Variants in RNF169 observed in about 807,000 individuals in gnomAD.
The protein encoded by RNF169 is ring finger protein 169.
RNF169 carries 24 observed loss-of-function variants against 53.9 expected under a neutral mutation model. That is an observed-to-expected ratio of 0.45 (90% CI 0.32 to 0.63). The LOEUF is 0.63. RNF169 is among the 20% of genes least tolerant of loss of function. RNF169 has a pLI of 0.04. For missense variants in RNF169, 883 were observed against 906.2 expected, an observed-to-expected ratio of 0.97 and a Z score of 0.33; for synonymous variants, 396 against 363.5, an observed-to-expected ratio of 1.09 and a Z score of -1.02.
At chr11:74,777,020 A>G (rs557228875) in intron 1 of RNF169, among the ~76,000 whole-genome samples, 1 of 152,318 alleles carries the variant, frequency 6.6e-6, no homozygotes, top group South Asian at 2.1e-4. Context: ...TCATAAAGAA[A>G]GGGAAGCAAT....
intron 1 of RNF169, among the ~76,000 whole-genome samples, chr11:74,782,737 T>G (rs1441109224): frequency 6.6e-6 from 1 of 152,148 alleles, no homozygotes; most frequent in African/African-American, 2.4e-5. Context: ...TTTTATAACA[T>G]ATTAGTATAA....
intron 1 of RNF169, among the ~76,000 whole-genome samples, chr11:74,759,710 G>A (rs1171200188): frequency 0.015 from 2,102 of 144,960 alleles, 18 homozygotes; most frequent in Non-Finnish European, 0.022. Context: ...GATTTGGTTT[G>A]CCAGTATTTT....
chr11:74,800,824 C>T (rs912477857), intron 2 of RNF169, among the ~76,000 whole-genome samples: 1 of 152,116 alleles, frequency 6.6e-6, no homozygotes, highest in African/African-American at 2.4e-5. Flanking sequence ...AGAGCTCTTT[C>T]TGCTTCCCAT....
chr11:74,751,624 A>G (rs1348571539), intron 1 of RNF169, among the ~76,000 whole-genome samples: 1 of 152,232 alleles, frequency 6.6e-6, no homozygotes, highest in African/African-American at 2.4e-5. Context: ...ATTATCTAAA[A>G]TGAGATTTCA....
At chr11:74,791,832 A>G (rs1160406299) in intron 2 of RNF169, among the ~76,000 whole-genome samples, 1 of 152,146 alleles carries the variant, frequency 6.6e-6, no homozygotes, top group Non-Finnish European at 1.5e-5. Context: ...CACCTCTTCA[A>G]CTTGTAAGAG....
At chr11:74,817,392 T>C (rs2035952789) in intron 3 of RNF169, among the ~76,000 whole-genome samples, 1 of 152,176 alleles carries the variant, frequency 6.6e-6, no homozygotes, top group African/African-American at 2.4e-5. Flanking sequence ...GTGATGGGGC[T>C]TACAGAAGAG....
At chr11:74,810,910 A>G (rs1235152964) in intron 3 of RNF169, among the ~76,000 whole-genome samples, 1 of 152,198 alleles carries the variant, frequency 6.6e-6, no homozygotes, top group Non-Finnish European at 1.5e-5. Context: ...AGGATCCACT[A>G]ATTATACCCA....
In RNF169 at chr11:74,840,657, CTT is replaced by C. The variant is rs2036382469; in HGVS notation, c.*3930_*3931del. ...GATTCCTTTCCTTTTTCCTGCCTAA[CTT>C]TTCATTGAAATGTCTAGTAGGAGAG... On this transcript the variant is annotated 3_prime_UTR_variant, in exon 6 of 6. Coordinates refer to ENST00000299563, the MANE Select transcript of RNF169 (RefSeq NM_001098638.2). 6.6e-6 allele frequency: 1 copy of C among 152,074 alleles called. No homozygotes were observed. Among genetic ancestry groups the C allele is most frequent in the African/African-American group, 2.4e-5 (1 of 41,402 alleles). 9.4% of individuals were successfully genotyped at this position (152,074 alleles called of 1,614,324 possible).
intron 3 of RNF169, among the ~76,000 whole-genome samples, chr11:74,811,132 G>A (rs1208915390): frequency 6.6e-6 from 1 of 150,738 alleles, no homozygotes; most frequent in Non-Finnish European, 1.5e-5. Flanking sequence ...CAGAGTGGAG[G>A]CAAAAAAAAA....
chr11:74,784,222 ATTGTT>A (rs2035456111), intron 1 of RNF169, among the ~76,000 whole-genome samples: 1 of 152,214 alleles, frequency 6.6e-6, no homozygotes, highest in Admixed American at 6.5e-5. Context: ...AAATCAAAGT[ATTGTT>A]ACTGAATCAC....
intron 2 of RNF169, among the ~76,000 whole-genome samples, chr11:74,793,006 G>A (rs2035599895): frequency 1.3e-5 from 2 of 152,114 alleles, no homozygotes; most frequent in South Asian, 4.1e-4. Context: ...ACATTAAAAG[G>A]CACTAGTATG....
intron 2 of RNF169, among the ~76,000 whole-genome samples, chr11:74,796,718 A>G (rs1046633426): frequency 1.3e-5 from 2 of 152,142 alleles, no homozygotes; most frequent in East Asian, 1.9e-4. Context: ...CTTCTAGACT[A>G]TTCATTTTCC....
intron 1 of RNF169, among the ~76,000 whole-genome samples, chr11:74,769,898 C>T (rs937625687): frequency 1.1e-4 from 17 of 152,122 alleles, no homozygotes; most frequent in Admixed American, 1.0e-3. Context: ...CAGGCTGAAG[C>T]GATCCTCCCA....
intron 1 of RNF169, among the ~76,000 whole-genome samples, chr11:74,765,126 T>C (rs1267858887): frequency 2.0e-5 from 3 of 152,190 alleles, no homozygotes; most frequent in African/African-American, 7.2e-5. Context: ...GGAGGACTGC[T>C]TGAGCCCAGG....
At chr11:74,829,026 CA>C (rs762583433) in intron 4 of RNF169, among the ~76,000 whole-genome samples, 11 of 152,124 alleles carry the variant, frequency 7.2e-5, no homozygotes, top group Non-Finnish European at 1.3e-4. Context: ...TTCTGCACAG[CA>C]AAAGAAACTG....
rs1399592049 is a variant in RNF169, at chr11:74,840,767, T to C, written c.*4037T>C. ...ATGGAAATCATCCAAGTTAAACTTC[T>C]TCTCTGCCCCCCGCCCCCACTTTTT... On this transcript the variant is annotated 3_prime_UTR_variant, in exon 6 of 6. Coordinates refer to ENST00000299563, the MANE Select transcript of RNF169 (RefSeq NM_001098638.2). 1 of 150,760 alleles carries C rather than the reference T, an allele frequency of 6.6e-6. No individual in the cohort carries two copies. Among genetic ancestry groups the C allele is most frequent in the Non-Finnish European group, 1.5e-5 (1 of 67,902 alleles). The allele number at this position is 150,760 out of a possible 1,614,324, so 9.3% of individuals were successfully genotyped here. A position where few individuals can be genotyped will look rare whatever the true frequency, so the allele number is the denominator to read the frequency against.
intron 4 of RNF169, among the ~76,000 whole-genome samples, chr11:74,819,236 G>T (rs1233465058): frequency 3.3e-5 from 5 of 152,056 alleles, no homozygotes; most frequent in Non-Finnish European, 7.4e-5. Flanking sequence ...ATGGACTCTT[G>T]TAGCTGAAAA....
At chr11:74,769,817 A>G (rs900056801) in intron 1 of RNF169, among the ~76,000 whole-genome samples, 6 of 152,202 alleles carry the variant, frequency 3.9e-5, no homozygotes, top group African/African-American at 1.4e-4. Context: ...GTACCCCCCA[A>G]CAAGGTCTCC....
chr11:74,791,023 AAG>A (rs2035571358), intron 2 of RNF169, among the ~76,000 whole-genome samples: 1 of 152,242 alleles, frequency 6.6e-6, no homozygotes, highest in Admixed American at 6.5e-5. Context: ...TCCAGAAAGA[AAG>A]AGGTACGTGG....
Sources: allele counts gnomAD v4.1 joint callset (sites outside exome capture counted in the v4.1 genomes callset), GRCh38; gene constraint gnomAD v4.1.1; transcripts MANE v1.5; gene names NCBI Gene and HGNC (gene_info 2026-07-23, HGNC 2026-07-21).